Variants in UBE2F observed in about 807,000 individuals in gnomAD.
UBE2F encodes the protein NEDD8-conjugating enzyme UBE2F.
Under a neutral mutation model 29.6 loss-of-function variants are expected in UBE2F, and 5 were observed. That is an observed-to-expected ratio of 0.17 (90% confidence interval 0.09 to 0.36). The LOEUF (loss-of-function observed/expected upper bound fraction) is 0.36. Among genes scored for constraint, UBE2F ranks in the 10% least tolerant of loss-of-function variants. The pLI is 1.00. For synonymous variants in UBE2F, 66 were observed against 81.8 expected, an observed-to-expected ratio of 0.81 and a Z score of 1.04; for missense variants, 141 against 228.5, an observed-to-expected ratio of 0.62 and a Z score of 2.47.
At chr2:238,024,009 C>T (rs375316268) in intron 5 of UBE2F, among the ~76,000 whole-genome samples, 9 of 152,110 alleles carry the variant, frequency 5.9e-5, no homozygotes, top group African/African-American at 1.4e-4. Flanking sequence ...CTATTAAACT[C>T]GGGCAGGTGT....
chr2:237,977,257 A>G (rs1239589674), intron 2 of UBE2F, among the ~76,000 whole-genome samples: 2 of 151,832 alleles, frequency 1.3e-5, no homozygotes, highest in Non-Finnish European at 2.9e-5. Context: ...GGAGAGGTGC[A>G]GAGCCAACGC....
intron 7 of UBE2F, among the ~76,000 whole-genome samples, chr2:238,031,652 A>G (rs1196661029): frequency 6.6e-6 from 1 of 152,256 alleles, no homozygotes; most frequent in Non-Finnish European, 1.5e-5. Flanking sequence ...TGATTCACAG[A>G]TGGCAGGTCA....
intron 8 of UBE2F, among the ~76,000 whole-genome samples, chr2:238,034,551 T>A (rs1434540902): frequency 6.6e-6 from 1 of 152,250 alleles, no homozygotes; most frequent in East Asian, 1.9e-4. Flanking sequence ...ATGGTTATTC[T>A]GATCAACTCA....
chr2:238,025,079 A>G (rs1295438517), intron 5 of UBE2F, among the ~76,000 whole-genome samples: 2 of 152,178 alleles, frequency 1.3e-5, no homozygotes, highest in African/African-American at 4.8e-5. Context: ...GGCAGGACAC[A>G]TGGGGCTTGT....
chr2:238,012,792 T>C (rs1040703098), intron 4 of UBE2F, among the ~76,000 whole-genome samples: 36 of 152,144 alleles, frequency 2.4e-4, no homozygotes, highest in African/African-American at 8.0e-4. Flanking sequence ...GCACCATGGC[T>C]GTTGTTTCTT....
chr2:238,021,224 AG>A (rs2064284861), intron 5 of UBE2F, among the ~76,000 whole-genome samples: 1 of 152,104 alleles, frequency 6.6e-6, no homozygotes, highest in Non-Finnish European at 1.5e-5. Flanking sequence ...GCCAGCCCGG[AG>A]GGACTAAGGA....
intron 5 of UBE2F, among the ~76,000 whole-genome samples, chr2:238,018,078 C>T (rs1186706862): frequency 6.6e-6 from 1 of 152,212 alleles, no homozygotes; most frequent in Non-Finnish European, 1.5e-5. Context: ...GGAAAATACA[C>T]ATTTCCAGTC....
intron 5 of UBE2F, among the ~76,000 whole-genome samples, chr2:238,017,797 C>A (rs1003561121): frequency 1.3e-5 from 2 of 152,142 alleles, no homozygotes. Flanking sequence ...AGCCTCACTC[C>A]CATCATGAGG....
At chr2:237,983,496 A>G (rs1331320932) in intron 2 of UBE2F, among the ~76,000 whole-genome samples, 3 of 152,168 alleles carry the variant, frequency 2.0e-5, no homozygotes, top group African/African-American at 7.2e-5. Context: ...TAGTTGTAGC[A>G]TATAAATAGC....
At chr2:237,999,015 T>C (rs1343639614) in intron 4 of UBE2F, among the ~76,000 whole-genome samples, 2 of 152,282 alleles carry the variant, frequency 1.3e-5, no homozygotes, top group East Asian at 3.9e-4. Context: ...TTTTCTCCCA[T>C]TCTGTGACTT....
intron 2 of UBE2F, chr2:237,973,597 G>A (rs1269468028): frequency 5.7e-6 from 6 of 1,046,790 alleles, no homozygotes; most frequent in Non-Finnish European, 7.9e-6. Flanking sequence ...CTCTGTAAAG[G>A]GGAAGGAGTC....
Position 238,025,347 on chromosome 2 carries a change from C to G in UBE2F, c.288C>G (p.Pro96=). Residue 96 remains proline (P), a synonymous_variant, in exon 6 of 10, where the codon CCC becomes CCG. Coordinates refer to ENST00000272930, the MANE Select transcript of UBE2F (RefSeq NM_080678.3). ...TCATTGTCTCTGTGTTGCAGCCTCC[C>G]AAAGTGAAATGCCTGACCAAGATCT... The part of the protein sequence containing the change: ...EVPDAYNMVP[P]KVKCLTKIWH... The G allele has an allele frequency of 6.2e-7, 1 of 1,613,860 alleles. No homozygotes were observed. The highest frequency in any genetic ancestry group is 1.7e-5 in the Admixed American group (1 of 60,012).
At chr2:238,005,867 G>T (rs1418047365) in intron 4 of UBE2F, among the ~76,000 whole-genome samples, 1 of 152,034 alleles carries the variant, frequency 6.6e-6, no homozygotes, top group Non-Finnish European at 1.5e-5. Context: ...CTACTTTTTG[G>T]TAGAAAATTA....
At chr2:237,997,020 G>C (rs918276165) in intron 4 of UBE2F, among the ~76,000 whole-genome samples, 3 of 152,018 alleles carry the variant, frequency 2.0e-5, no homozygotes, top group Non-Finnish European at 4.4e-5. Flanking sequence ...TCAGGAGTTC[G>C]AGACCAGCCA....
At position 238,040,360 on chromosome 2, in the gene UBE2F, A is replaced by T. The variant is rs1453310063; in HGVS notation, c.508-928A>T. Among the ~76,000 whole-genome samples the T allele has an allele frequency of 6.6e-6, 1 of 152,220 alleles. No homozygotes were observed. The highest frequency in any genetic ancestry group is 2.4e-5 in the African/African-American group (1 of 41,458). On this transcript the variant is annotated intron_variant, in intron 9 of 9. Coordinates refer to ENST00000272930, the MANE Select transcript of UBE2F (RefSeq NM_080678.3). The surrounding 1 kb of genome is among the most constrained non-coding windows in gnomAD (Gnocchi z 4.4). ...GTCGGGATTATGCAGTGGAATCAGCAAACAGGTTAGACTGAGGCTTAGACA... is the reference window on the plus strand; with the variant it reads ...GTCGGGATTATGCAGTGGAATCAGCTAACAGGTTAGACTGAGGCTTAGACA...
intron 5 of UBE2F, among the ~76,000 whole-genome samples, chr2:238,018,043 A>G (rs1015301772): frequency 3.9e-5 from 6 of 152,174 alleles, no homozygotes; most frequent in Non-Finnish European, 8.8e-5. Flanking sequence ...AGCCCAAGAA[A>G]TTTTTAAATT....
Position 238,032,207 on chromosome 2 carries a change from T to A in UBE2F, c.412-15T>A, listed in dbSNP as rs760746261. ...TTGGCTTAAAACTTGTTTTCTGTTT[T>A]CTTTTTTATTTCAGGATGTCGTTTG... On this transcript the variant is annotated splice_polypyrimidine_tract_variant and intron_variant, in intron 7 of 9. Coordinates refer to ENST00000272930, the MANE Select transcript of UBE2F (RefSeq NM_080678.3). 1 of 1,611,936 alleles carries A rather than the reference T, an allele frequency of 6.2e-7. No individual in the cohort carries two copies. The highest frequency in any genetic ancestry group is 8.5e-7 in the Non-Finnish European group (1 of 1,178,216).
chr2:237,973,577 A>T, intron 2 of UBE2F: 1 of 828,554 alleles, frequency 1.2e-6, no homozygotes, highest in Non-Finnish European at 1.8e-6. Context: ...TCTCAGCACC[A>T]TAGTTTCTGC....
At chr2:238,021,903 T>C (rs1385802837) in intron 5 of UBE2F, among the ~76,000 whole-genome samples, 1 of 152,240 alleles carries the variant, frequency 6.6e-6, no homozygotes, top group Non-Finnish European at 1.5e-5. Flanking sequence ...TATGTCTGTC[T>C]GCCTCTTTCC....
Sources: gnomAD v4.1 joint callset for allele counts (sites outside exome capture counted in the v4.1 genomes callset) on GRCh38, gnomAD v4.1.1 for gene constraint, Gnocchi (gnomAD v3.1) non-coding constraint, MANE v1.5 for transcripts, NCBI Gene and HGNC (gene_info 2026-07-23, HGNC 2026-07-21) for gene names.